SPEGNB: variants seen among roughly 807,000 people sequenced by gnomAD.
SPEGNB encodes SPEG neighbor protein.
Under a neutral mutation model 18.3 loss-of-function variants are expected in SPEGNB, and 12 were observed. The observed-to-expected ratio is 0.65, with a 90% CI of 0.42 to 1.06. The LOEUF (loss-of-function observed/expected upper bound fraction) is 1.06, where lower values mean the gene tolerates loss of function less well. SPEGNB is among the 50% of genes least tolerant of loss of function. SPEGNB has a pLI of 0.00. For missense variants in SPEGNB, 273 were observed against 329.3 expected, an observed-to-expected ratio of 0.83 and a Z score of 1.32; for synonymous variants, 113 against 138.8, an observed-to-expected ratio of 0.81 and a Z score of 1.31.
Position 219,497,746 on chromosome 2 carries a change from G to T in SPEGNB, c.463G>T (p.Asp155Tyr). 1 of 1,304,334 alleles carries T rather than the reference G, an allele frequency of 7.7e-7. No homozygotes were observed. The highest frequency in any genetic ancestry group is 1.0e-6 in the Non-Finnish European group (1 of 988,968). 80.8% of individuals were successfully genotyped at this position (1,304,334 alleles called of 1,614,324 possible). ...CCCGACGAAGATTCAAAAGGGACCC[G>T]ACAACACTAAGGCGCGCAAAGGCAC... ...EVPTKIQKGP[D>Y]NTKARKGTTV... The change falls in exon 4 of 5, where the codon GAC becomes TAC. Residue 155 changes from aspartate (D) to tyrosine (Y), a missense_variant. By Grantham distance (160) the Asp-to-Tyr change is radical (BLOSUM62 -3). Coordinates refer to ENST00000651166, the MANE Select transcript of SPEGNB (RefSeq NM_001286811.2).
In SPEGNB at chr2:219,498,211, C is replaced by T; in HGVS notation, c.*22C>T. The T allele has an allele frequency of 7.7e-7, 1 of 1,295,348 alleles. No homozygotes were observed. The highest frequency in any genetic ancestry group is 1.0e-6 in the Non-Finnish European group (1 of 984,910). The allele number at this position is 1,295,348 out of a possible 1,614,324, so 80.2% of individuals were successfully genotyped here. On this transcript the variant is annotated 3_prime_UTR_variant, in exon 5 of 5. Transcript: ENST00000651166. The stretch of plus-strand genomic sequence containing the variant: ...CTGAACGGCACCCCCGGACCTTCCG[C>T]CCTGGCGCCGAGCCCGGGGGTGGTG...
intron 3 of SPEGNB, 194 bp from the exon 4 acceptor site, chr2:219,497,526 C>G (rs1295414359): frequency 1.7e-6 from 1 of 604,750 alleles, no homozygotes; most frequent in South Asian, 2.0e-5. Flanking sequence ...TATTCGACCC[C>G]GAGAAGTAGG....
At chr2:219,497,351 C>G (rs1014975529) in intron 3 of SPEGNB, among the ~76,000 whole-genome samples, 1 of 152,340 alleles carries the variant, frequency 6.6e-6, no homozygotes, top group South Asian at 2.1e-4. Context: ...TCACGCGGCT[C>G]CGGGTCCCCA....
intron 3 of SPEGNB, 187 bp from the exon 4 acceptor site, chr2:219,497,530 AAGT>A: frequency 1.6e-6 from 1 of 608,548 alleles, no homozygotes; most frequent in Non-Finnish European, 2.4e-6. Context: ...CGACCCCGAG[AAGT>A]AGGAGAGGCA....
At chr2:219,497,280 C>A (rs557713090) in intron 3 of SPEGNB, among the ~76,000 whole-genome samples, 164 bp downstream of exon 3, 1 of 152,322 alleles carries the variant, frequency 6.6e-6, no homozygotes, top group African/African-American at 2.4e-5. Flanking sequence ...CAGCCAAGTG[C>A]GTCCTTCCCT....
At chr2:219,497,663 T>G in intron 3 of SPEGNB, 57 bp from the exon 4 acceptor site, 1 of 1,287,412 alleles carries the variant, frequency 7.8e-7, no homozygotes, top group African/African-American at 1.5e-5. Flanking sequence ...GGTGAGGTGA[T>G]GCCCTGCCTC....
chr2:219,498,101 C>CCACG lies in SPEGNB; in HGVS notation c.631_634dup (p.Pro212HisfsTer55), dbSNP rs1694267613. The CCACG allele has an allele frequency of 6.1e-6, 8 of 1,304,256 alleles. No homozygotes were observed. The highest frequency in any genetic ancestry group is 8.1e-6 in the Non-Finnish European group (8 of 988,932). The allele number at this position is 1,304,256 out of a possible 1,614,324, so 80.8% of individuals were successfully genotyped here. On this transcript the variant is annotated frameshift_variant, in exon 5 of 5. Transcript: ENST00000651166. LOFTEE classifies it high-confidence loss of function. Reference sequence around the variant, plus strand: ...ACCACGACGCTGACCATTCGCCGGGCCACGCCTCAGGACAGCGGCAAGTAC... The same window carrying CCACG: ...ACCACGACGCTGACCATTCGCCGGGCCACGCACGCCTCAGGACAGCGGCAAGTAC...
chr2:219,497,515 C>CT (rs750455939), intron 3 of SPEGNB: 35 of 544,012 alleles, frequency 6.4e-5, no homozygotes, highest in Non-Finnish European at 9.4e-5. Flanking sequence ...TCTTGATCCT[C>CT]TATTCGACCC....
chr2:219,497,544 G>A (rs913879029), intron 3 of SPEGNB, 176 bp from the exon 4 acceptor site: 70 of 730,856 alleles, frequency 9.6e-5, no homozygotes, highest in Non-Finnish European at 1.3e-4. Context: ...AGGAGAGGCA[G>A]GGATAAGTCC....
chr2:219,497,641 C>T (rs1559443854), intron 3 of SPEGNB, 79 bp from the exon 4 acceptor site: 1 of 1,254,790 alleles, frequency 8.0e-7, no homozygotes, highest in Non-Finnish European at 1.0e-6. Flanking sequence ...TATTTAGTGC[C>T]GGGTATTAGC....
chr2:219,497,975 G>A, intron 4 of SPEGNB, 76 bp from the exon 5 acceptor site: 1 of 1,272,634 alleles, frequency 7.9e-7, no homozygotes. Context: ...GAGGAACAGA[G>A]CTGGCTAAGG....
rs749014371 is a variant in SPEGNB, at chr2:219,498,174, C to A, written c.702C>A (p.Arg234=). 8.4e-6 allele frequency: 11 copies of A among 1,303,900 alleles called. No homozygotes were observed. The South Asian group carries it at 1.4e-4, about 16-fold the overall frequency. The allele number at this position is 1,303,900 out of a possible 1,614,324, so 80.8% of individuals were successfully genotyped here. Residue 234 remains arginine (R), a synonymous_variant, in exon 5 of 5, where the codon CGC becomes CGA. Coordinates refer to ENST00000651166, the MANE Select transcript of SPEGNB (RefSeq NM_001286811.2). ...NSLGMDQSFA[R]VDVA ...TGGGCATGGACCAGAGCTTCGCTCGCGTCGACGTGGCCTGAACGGCACCCC... is the reference window on the plus strand; with the variant it reads ...TGGGCATGGACCAGAGCTTCGCTCGAGTCGACGTGGCCTGAACGGCACCCC...
chr2:219,496,719 A>AG, intron 2 of SPEGNB, 90 bp from the exon 3 acceptor site: 3 of 1,130,362 alleles, frequency 2.7e-6, no homozygotes, highest in Non-Finnish European at 2.2e-6. Flanking sequence ...TGGCCGGTCC[A>AG]GGGGGCAGGT....
Position 219,496,354 on chromosome 2 carries a change from G to T in SPEGNB, c.1-1G>T. 1.6e-6 allele frequency: 2 copies of T among 1,255,710 alleles called. No individual in the cohort carries two copies. Among genetic ancestry groups the T allele is most frequent in the Non-Finnish European group, 2.1e-6 (2 of 957,294 alleles). The allele number at this position is 1,255,710 out of a possible 1,614,324, so 77.8% of individuals were successfully genotyped here. A position where few individuals can be genotyped will look rare whatever the true frequency, so the allele number is the denominator to read the frequency against. ...CCCCATATTTGTCGCCCACTCCCCA[G>T]ATGTCTAAAGCAGCTCCTGCCAAAA... On this transcript the variant is annotated splice_acceptor_variant, in intron 1 of 4. Transcript: ENST00000651166. LOFTEE classifies it low-confidence loss of function (5UTR_SPLICE).
At chr2:219,497,956 C>A in intron 4 of SPEGNB, 95 bp downstream of exon 4, 1 of 1,278,134 alleles carries the variant, frequency 7.8e-7, no homozygotes, top group South Asian at 1.3e-5. Context: ...GGGGCGGGGA[C>A]TGGGCAGCGA....
rs567607791 is a variant in SPEGNB, at chr2:219,497,866, G to C, written c.578+5G>C. On this transcript the variant is annotated splice_donor_5th_base_variant and intron_variant, in intron 4 of 4. Coordinates refer to ENST00000651166, the MANE Select transcript of SPEGNB (RefSeq NM_001286811.2). ...GGACATCGAGGAGGATGACAGGCGA[G>C]GGCCGGGACCTGCGGCACGGCCAGG... is the stretch of plus-strand genomic sequence containing the variant. 2 of 1,303,630 alleles carry C rather than the reference G, an allele frequency of 1.5e-6. No homozygotes were observed. The highest frequency in any genetic ancestry group is 1.5e-5 in the African/African-American group (1 of 65,862). 80.8% of individuals were successfully genotyped at this position (1,303,630 alleles called of 1,614,324 possible).
At chr2:219,496,272 A>C in intron 1 of SPEGNB, 55 bp downstream of exon 1, 1 of 1,097,630 alleles carries the variant, frequency 9.1e-7, no homozygotes, top group Non-Finnish European at 1.2e-6. Flanking sequence ...ATCTCCCTGA[A>C]TGTTCTGACC....
intron 3 of SPEGNB, 111 bp downstream of exon 3, chr2:219,497,227 C>G: frequency 1.2e-6 from 1 of 865,494 alleles, no homozygotes; most frequent in Non-Finnish European, 1.5e-6. Context: ...ACAGGGTCCC[C>G]GCCAGCCCAG....
At position 219,496,993 on chromosome 2, in the gene SPEGNB, G is replaced by A; in HGVS notation, c.313G>A (p.Glu105Lys). The change falls in exon 3 of 5, where the codon GAG becomes AAG. Residue 105 changes from glutamate to lysine, a missense_variant. Coordinates refer to ENST00000651166, the MANE Select transcript of SPEGNB (RefSeq NM_001286811.2). ...RDGPKYRYVF[E>K]DPDVVALVVR... ...CGGTCCCAAGTACCGCTACGTCTTC[G>A]AGGACCCTGACGTGGTGGCACTGGT... is the stretch of plus-strand genomic sequence containing the variant. 1 of 1,303,176 alleles carries A rather than the reference G, an allele frequency of 7.7e-7. No individual in the cohort carries two copies. Among genetic ancestry groups the A allele is most frequent in the East Asian group, 5.6e-5 (1 of 17,980 alleles). The allele number at this position is 1,303,176 out of a possible 1,614,324, so 80.7% of individuals were successfully genotyped here.
Sources: gnomAD v4.1 joint callset for allele counts (sites outside exome capture counted in the v4.1 genomes callset) on GRCh38, gnomAD v4.1.1 for gene constraint, MANE v1.5 for transcripts, NCBI Gene and HGNC (gene_info 2026-07-23, HGNC 2026-07-21) for gene names.